Variants in CREB5 observed in about 807,000 individuals in gnomAD.
CREB5 encodes cyclic AMP-responsive element-binding protein 5.
In CREB5, 19 loss-of-function variants were observed where a neutral mutation model predicts 57.1. That is an observed-to-expected ratio of 0.33 (90% CI 0.23 to 0.49). The LOEUF (loss-of-function observed/expected upper bound fraction) is 0.49. Among genes scored for constraint, CREB5 ranks in the 20% least tolerant of loss-of-function variants. CREB5 has a pLI of 0.99. For synonymous variants in CREB5, 238 were observed against 238.3 expected (o/e 1.00, Z 0.01); for missense variants, 579 against 671.6 (o/e 0.86, Z 1.52).
chr7:28,694,146 CCTT>C (rs1388505348), intron 5 of CREB5, among the ~76,000 whole-genome samples: 2 of 152,150 alleles, frequency 1.3e-5, no homozygotes, highest in Non-Finnish European at 2.9e-5. Context: ...CTCTTCTTGA[CCTT>C]CTTATTTATC....
intron 7 of CREB5, among the ~76,000 whole-genome samples, chr7:28,770,259 CT>C (rs1421501532): frequency 6.6e-6 from 1 of 152,190 alleles, no homozygotes; most frequent in Non-Finnish European, 1.5e-5. Context: ...TCTGTGGCCA[CT>C]TGGAGGAACA....
chr7:28,337,592 G>C (rs947427529), intron 1 of CREB5, among the ~76,000 whole-genome samples: 15 of 151,738 alleles, frequency 9.9e-5, no homozygotes, highest in African/African-American at 3.1e-4. Context: ...TGTCTTTATA[G>C]GTGAAGTGTG....
intron 5 of CREB5, among the ~76,000 whole-genome samples, chr7:28,584,925 T>A (rs1016691778): frequency 1.3e-5 from 2 of 152,158 alleles, no homozygotes; most frequent in South Asian, 2.1e-4. Context: ...GGGACCTGTT[T>A]GGTGAGATGC....
intron 5 of CREB5, among the ~76,000 whole-genome samples, chr7:28,594,418 T>G (rs1796628555): frequency 6.6e-6 from 1 of 152,212 alleles, no homozygotes; most frequent in Non-Finnish European, 1.5e-5. Context: ...TACAGCCCAC[T>G]TAACTCTCTT....
At chr7:28,774,813 G>C (rs980004897) in intron 7 of CREB5, among the ~76,000 whole-genome samples, 1 of 152,180 alleles carries the variant, frequency 6.6e-6, no homozygotes, top group African/African-American at 2.4e-5. Flanking sequence ...TTTGTTAATA[G>C]AGATGAAATT....
intron 5 of CREB5, among the ~76,000 whole-genome samples, chr7:28,693,139 T>C (rs1482569300): frequency 6.6e-6 from 1 of 152,222 alleles, no homozygotes; most frequent in Non-Finnish European, 1.5e-5. Flanking sequence ...AATTCTGCTT[T>C]ATGGTTTTTT....
intron 5 of CREB5, among the ~76,000 whole-genome samples, chr7:28,708,563 G>A (rs979312771): frequency 2.0e-5 from 3 of 152,166 alleles, no homozygotes; most frequent in African/African-American, 2.4e-5. Context: ...CAGGAGGCAC[G>A]GGATAAGCAG....
intron 1 of CREB5, among the ~76,000 whole-genome samples, chr7:28,378,214 T>C (rs527401620): frequency 3.3e-5 from 5 of 152,226 alleles, no homozygotes; most frequent in Non-Finnish European, 7.4e-5. Context: ...TTAGCTCTCT[T>C]AGGTTTTCAA....
At chr7:28,594,601 C>T (rs1352402702) in intron 5 of CREB5, among the ~76,000 whole-genome samples, 1 of 152,112 alleles carries the variant, frequency 6.6e-6, no homozygotes, top group African/African-American at 2.4e-5. Flanking sequence ...CTCAACTAGA[C>T]GGTGGACACA....
intron 1 of CREB5, among the ~76,000 whole-genome samples, chr7:28,368,236 C>T (rs1583402091): frequency 1.3e-5 from 2 of 152,132 alleles, no homozygotes; most frequent in East Asian, 3.9e-4. Flanking sequence ...GACATTGGAG[C>T]CTTGGAAGGG....
At chr7:28,739,162 G>T (rs1019591092) in intron 7 of CREB5, among the ~76,000 whole-genome samples, 2 of 152,328 alleles carry the variant, frequency 1.3e-5, no homozygotes, top group East Asian at 1.9e-4. Context: ...TCAAGGTCCT[G>T]TGCTCTTCAA....
In CREB5 at chr7:28,490,706, G is replaced by A. The variant is rs76377638; in HGVS notation, c.75+2460G>A. 3.2e-4 allele frequency among the ~76,000 whole-genome samples: 48 copies of A among 152,278 alleles called. No individual in the cohort carries two copies. In the East Asian group the frequency reaches 8.1e-3, roughly 26 times the overall value. On this transcript the variant is annotated intron_variant, in intron 2 of 10. Coordinates refer to ENST00000357727, the MANE Select transcript of CREB5 (RefSeq NM_182898.4). ...GATCCCAGAAGCATTCCCCACTTGTGATGACCAAAAATGTTTCCAGACATT... is the reference window on the plus strand; with the variant it reads ...GATCCCAGAAGCATTCCCCACTTGTAATGACCAAAAATGTTTCCAGACATT...
chr7:28,410,367 C>T (rs558198607), upstream of CREB5: 7 of 456,720 alleles, frequency 1.5e-5, no homozygotes, highest in African/African-American at 1.2e-4. Flanking sequence ...CCAGGCAATT[C>T]CCAAGACCTG....
chr7:28,449,488 C>A (rs1789679886), intron 1 of CREB5, among the ~76,000 whole-genome samples: 1 of 152,192 alleles, frequency 6.6e-6, no homozygotes, highest in Non-Finnish European at 1.5e-5. Context: ...CTCTTAGGAT[C>A]CTTTTCTTGC....
At chr7:28,439,905 G>C (rs977462414) in intron 1 of CREB5, among the ~76,000 whole-genome samples, 1 of 152,166 alleles carries the variant, frequency 6.6e-6, no homozygotes, top group African/African-American at 2.4e-5. Flanking sequence ...CTAGTAAAAA[G>C]CCTATCACTG....
chr7:28,333,527 G>T (rs530761765), intron 1 of CREB5, among the ~76,000 whole-genome samples: 2 of 151,106 alleles, frequency 1.3e-5, no homozygotes, highest in South Asian at 4.2e-4. Flanking sequence ...CCCATTAACC[G>T]TTCTCACTCC....
chr7:28,404,986 C>G (rs1787547069), intron 1 of CREB5, among the ~76,000 whole-genome samples: 1 of 152,198 alleles, frequency 6.6e-6, no homozygotes, highest in South Asian at 2.1e-4. Flanking sequence ...AAGGTTCCAG[C>G]TGCCTCACAG....
chr7:28,529,583 C>G (rs906335769), intron 4 of CREB5, among the ~76,000 whole-genome samples: 2 of 152,192 alleles, frequency 1.3e-5, no homozygotes, highest in Admixed American at 1.3e-4. Flanking sequence ...TTCATTCCCT[C>G]AAACACAGAA....
intron 1 of CREB5, among the ~76,000 whole-genome samples, chr7:28,359,520 C>T (rs1464870745): frequency 6.6e-6 from 1 of 152,156 alleles, no homozygotes; most frequent in African/African-American, 2.4e-5. Flanking sequence ...TATCCATGTA[C>T]AGAAGAACGA....
Sources: gnomAD v4.1 joint callset for allele counts (sites outside exome capture counted in the v4.1 genomes callset) on GRCh38, gnomAD v4.1.1 for gene constraint, MANE v1.5 for transcripts, NCBI Gene and HGNC (gene_info 2026-07-23, HGNC 2026-07-21) for gene names.